Variants in TUT4 observed in about 807,000 individuals in gnomAD.
TUT4 encodes the protein terminal uridylyl transferase 4.
TUT4 carries 36 observed loss-of-function variants against 192.2 expected under a neutral mutation model. That is an observed-to-expected ratio of 0.19 (90% CI 0.14 to 0.25). The LOEUF (loss-of-function observed/expected upper bound fraction) is 0.25. Among genes scored for constraint, TUT4 ranks in the 10% least tolerant of loss-of-function variants. The pLI is 1.00. For synonymous variants in TUT4, 618 were observed against 666.0 expected (o/e 0.93, Z 1.11); for missense variants, 1,493 against 1,957.2 (o/e 0.76, Z 4.47).
chr1:52,458,792 T>A (rs1570516998), intron 19 of TUT4, among the ~76,000 whole-genome samples: 1 of 152,218 alleles, frequency 6.6e-6, no homozygotes, highest in East Asian at 1.9e-4. Context: ...TTTGACAATA[T>A]CACAATTACA....
Position 52,436,846 on chromosome 1 carries a change from G to C in TUT4, c.4071C>G (p.Asp1357Glu). The C allele has an allele frequency of 6.2e-7, 1 of 1,613,618 alleles. No homozygotes were observed. The highest frequency in any genetic ancestry group is 8.5e-7 in the Non-Finnish European group (1 of 1,179,948). Reference sequence around the variant, plus strand: ...CATCTCCACATATAAAACATCTGAGGTCTCTCGGGTCTCTAAAGTCTCGAG... The same window carrying C: ...CATCTCCACATATAAAACATCTGAGCTCTCTCGGGTCTCTAAAGTCTCGAG... ...HDTRDFRDPR[D>E]LRCFICGDAG... The change falls in exon 26 of 30, where the codon GAC becomes GAG. Residue 1357 changes from aspartate (D) to glutamate (E), a missense_variant. Physicochemically the swap from Asp to Glu is conservative, Grantham distance 45. This residue lies in a region of TUT4 where 351 missense variants were observed against 397.8 expected (regional missense o/e 0.88). Coordinates refer to ENST00000257177, the MANE Select transcript of TUT4 (RefSeq NM_001009881.3).
intron 16 of TUT4, chr1:52,463,396 ATGT>A: frequency 1.0e-6 from 1 of 1,004,348 alleles, no homozygotes; most frequent in Non-Finnish European, 1.2e-6. Flanking sequence ...ATAAAACAAG[ATGT>A]TAAGACACCA....
At chr1:52,534,734 A>G (rs956523118) in intron 1 of TUT4, among the ~76,000 whole-genome samples, 6 of 151,706 alleles carry the variant, frequency 4.0e-5, no homozygotes, top group African/African-American at 1.5e-4. Context: ...GTGGTGGCGC[A>G]TGCCTGTGGT....
intron 1 of TUT4, among the ~76,000 whole-genome samples, chr1:52,529,396 C>T (rs1177229090): frequency 6.6e-6 from 1 of 152,098 alleles, no homozygotes; most frequent in Non-Finnish European, 1.5e-5. Flanking sequence ...GAAAAGTTGT[C>T]AAAACATATG....
chr1:52,490,644 C>T (rs191233867), intron 8 of TUT4, 88 bp downstream of exon 8: 1 of 1,148,044 alleles, frequency 8.7e-7, no homozygotes, highest in East Asian at 2.6e-5. Flanking sequence ...AAATCTAAAA[C>T]AAAAACTTTT....
intron 20 of TUT4, among the ~76,000 whole-genome samples, chr1:52,451,312 C>T (rs906353897): frequency 6.6e-6 from 1 of 151,778 alleles, no homozygotes; most frequent in Non-Finnish European, 1.5e-5. Context: ...GAGAGTAATG[C>T]TGGCCTTGGC....
intron 26 of TUT4, 49 bp downstream of exon 26, chr1:52,436,706 T>C: frequency 6.2e-7 from 1 of 1,609,350 alleles, no homozygotes; most frequent in East Asian, 2.2e-5. Context: ...GCAAGCAACA[T>C]AAATGACTTC....
chr1:52,430,805 T>A (rs1557627404), intron 28 of TUT4, among the ~76,000 whole-genome samples: 2 of 152,222 alleles, frequency 1.3e-5, no homozygotes, highest in East Asian at 1.9e-4. Context: ...CACAAAGAGA[T>A]TAACTGCCCA....
chr1:52,456,604 A>G (rs941664841), intron 20 of TUT4, among the ~76,000 whole-genome samples: 1 of 151,976 alleles, frequency 6.6e-6, no homozygotes, highest in African/African-American at 2.4e-5. Flanking sequence ...AAGGCTACAT[A>G]CTATATGATT....
chr1:52,507,196 A>G (rs1376491087), intron 4 of TUT4, among the ~76,000 whole-genome samples: 2 of 152,240 alleles, frequency 1.3e-5, no homozygotes, highest in African/African-American at 4.8e-5. Context: ...TGCACCAATC[A>G]GCATTGTGCT....
intron 16 of TUT4, 88 bp from the exon 17 acceptor site, chr1:52,461,857 C>T: frequency 1.3e-6 from 1 of 774,396 alleles, no homozygotes; most frequent in South Asian, 1.9e-5. Context: ...GTAGCATTTA[C>T]AATTTCCAGC....
intron 1 of TUT4, among the ~76,000 whole-genome samples, chr1:52,551,213 A>G (rs1440591117): frequency 2.0e-5 from 3 of 152,234 alleles, no homozygotes; most frequent in Non-Finnish European, 2.9e-5. Context: ...CTGTACTAAC[A>G]ACTTGGCCTA....
At chr1:52,539,789 C>A (rs1467774429) in intron 1 of TUT4, among the ~76,000 whole-genome samples, 1 of 151,514 alleles carries the variant, frequency 6.6e-6, no homozygotes, top group Non-Finnish European at 1.5e-5. Flanking sequence ...CGTCTATAAT[C>A]CCAGCTACTC....
At position 52,429,277 on chromosome 1, in the gene TUT4, G is replaced by T. The variant is rs574812205; in HGVS notation, c.4711+1736C>A. On this transcript the variant is annotated intron_variant, in intron 28 of 29. Transcript: ENST00000257177. ...TTTTTGTATTTTTTAAGTAGAGACG[G>T]GGTTTCACCGTGTTAGCCAGGATGT... is the stretch of plus-strand genomic sequence containing the variant. 6.6e-5 allele frequency among the ~76,000 whole-genome samples: 10 copies of T among 151,708 alleles called. No homozygotes were observed. The East Asian group carries it at 2.0e-3, about 30-fold the overall frequency.
intron 9 of TUT4, among the ~76,000 whole-genome samples, chr1:52,483,766 C>T (rs987487420): frequency 1.5e-4 from 23 of 152,060 alleles, no homozygotes; most frequent in South Asian, 1.3e-3. Context: ...GCTGAGATTG[C>T]GCCACTACAC....
In TUT4 at chr1:52,469,976, T is replaced by G. The variant is rs149164352; in HGVS notation, c.2879-1709A>C. ...ATAGGTTAGTATATACACACATATT[T>G]TGTTGCTCTGAGATGGCCTCAAAGC... On this transcript the variant is annotated intron_variant, in intron 14 of 29. Transcript: ENST00000257177. Among the ~76,000 whole-genome samples, 363 of 152,110 alleles carry G rather than the reference T, an allele frequency of 2.4e-3. 2 individuals carry two copies. The highest frequency in any genetic ancestry group is 8.6e-3 in the African/African-American group (355 of 41,510).
At chr1:52,448,563 T>C (rs2148491524) in intron 20 of TUT4, among the ~76,000 whole-genome samples, 1 of 122,172 alleles carries the variant, frequency 8.2e-6, no homozygotes, top group Admixed American at 1.1e-4. Flanking sequence ...CACTCCAGAC[T>C]GGGTGACTAA....
chr1:52,515,733 A>G (rs747457440), intron 3 of TUT4, 158 bp downstream of exon 3: 1 of 808,156 alleles, frequency 1.2e-6, no homozygotes, highest in Non-Finnish European at 2.0e-6. Context: ...CAAGGAAGAA[A>G]AGAGGGAAAG....
chr1:52,488,228 T>C (rs940972381), intron 9 of TUT4, among the ~76,000 whole-genome samples: 6 of 152,198 alleles, frequency 3.9e-5, no homozygotes, highest in Non-Finnish European at 8.8e-5. Context: ...ACCAGTTTTC[T>C]TTGTATATGA....
Sources: gnomAD v4.1 joint callset for allele counts (sites outside exome capture counted in the v4.1 genomes callset) on GRCh38, gnomAD v4.1.1 for gene constraint, gnomAD v4.1.1 regional missense constraint, MANE v1.5 for transcripts, NCBI Gene and HGNC (gene_info 2026-07-23, HGNC 2026-07-21) for gene names.